ACTR3: variants seen among roughly 807,000 people sequenced by gnomAD.
ACTR3 encodes the protein actin related protein 3, also known as actin-related protein 3.
A neutral mutation model predicts 56.8 loss-of-function variants in ACTR3; 12 were observed. That is an observed-to-expected ratio of 0.21 (90% CI 0.14 to 0.34). The LOEUF (loss-of-function observed/expected upper bound fraction) is 0.34, where lower values mean the gene tolerates loss of function less well. Ranked by LOEUF, ACTR3 falls within the 10% of genes least tolerant of loss-of-function variation. The probability of loss-of-function intolerance (pLI) is 1.00; values close to 1 mark genes in which losing one functional copy is unlikely to be tolerated. For missense variants in ACTR3, 282 were observed against 512.5 expected (o/e 0.55, Z 4.34); for synonymous variants, 162 against 167.4 (o/e 0.97, Z 0.25).
chr2:113,930,763 A>G (rs1194839871), intron 4 of ACTR3, among the ~76,000 whole-genome samples: 7 of 152,242 alleles, frequency 4.6e-5, no homozygotes, highest in Admixed American at 3.9e-4. Flanking sequence ...GTGCTCTGCA[A>G]ACATCTTGAT....
At chr2:113,950,219 C>CA (rs2104627689) in intron 8 of ACTR3, among the ~76,000 whole-genome samples, 1 of 152,342 alleles carries the variant, frequency 6.6e-6, no homozygotes, top group Admixed American at 6.5e-5. Context: ...AGCACTAGAA[C>CA]ACATGTCTGA....
At chr2:113,920,344 C>G (rs1293203336) in intron 3 of ACTR3, among the ~76,000 whole-genome samples, 1 of 152,132 alleles carries the variant, frequency 6.6e-6, no homozygotes, top group Non-Finnish European at 1.5e-5. Flanking sequence ...CAGGCATGAG[C>G]CACTGTGCCA....
intron 1 of ACTR3, among the ~76,000 whole-genome samples, chr2:113,899,362 C>T (rs930913148): frequency 1.3e-5 from 2 of 149,322 alleles, no homozygotes; most frequent in Admixed American, 6.6e-5. Flanking sequence ...AATGACTGCA[C>T]AAAACACATA....
chr2:113,890,711 T>TTTGGGGACCCAGGGGCCGAGC (rs1484382286), intron 1 of ACTR3: 1 of 1,096,186 alleles, frequency 9.1e-7, no homozygotes, highest in African/African-American at 1.7e-5. Flanking sequence ...TGCCAGTCGG[T>TTTGGGGACCCAGGGGCCGAGC]TTGGGGACCC....
chr2:113,958,800 A>G lies in ACTR3; in HGVS notation c.*1345A>G, dbSNP rs1680269931. On this transcript the variant is annotated 3_prime_UTR_variant, in exon 12 of 12. Coordinates refer to ENST00000263238, the MANE Select transcript of ACTR3 (RefSeq NM_005721.5). The stretch of plus-strand genomic sequence containing the variant: ...CTTTTTACTAGCAGTATCAGTGAAC[A>G]CTTGAACTCCATTATTCATGAAAAT... 6.6e-6 allele frequency: 1 copy of G among 152,000 alleles called. No individual in the cohort carries two copies. The highest frequency in any genetic ancestry group is 1.5e-5 in the Non-Finnish European group (1 of 67,896). The allele number at this position is 152,000 out of a possible 1,614,324, so 9.4% of individuals were successfully genotyped here.
chr2:113,956,903 TTTCCAG>T (rs1680225844), intron 11 of ACTR3, among the ~76,000 whole-genome samples: 3 of 152,210 alleles, frequency 2.0e-5, no homozygotes, highest in Non-Finnish European at 4.4e-5. Flanking sequence ...CAGTCTATCT[TTTCCAG>T]ACCTTGAATG....
intron 3 of ACTR3, among the ~76,000 whole-genome samples, chr2:113,926,885 T>C (rs1679630535): frequency 6.7e-6 from 1 of 148,536 alleles, no homozygotes; most frequent in South Asian, 2.1e-4. Flanking sequence ...TTTATGTGCT[T>C]GATTCTTACA....
intron 8 of ACTR3, among the ~76,000 whole-genome samples, chr2:113,943,811 T>C (rs539945040): frequency 6.6e-6 from 1 of 152,142 alleles, no homozygotes; most frequent in Non-Finnish European, 1.5e-5. Flanking sequence ...TATGCATCTT[T>C]TAAAAGGTTC....
At chr2:113,932,431 C>A (rs980910238) in intron 5 of ACTR3, among the ~76,000 whole-genome samples, 5 of 151,928 alleles carry the variant, frequency 3.3e-5, no homozygotes, top group African/African-American at 1.2e-4. Context: ...TATGTTTAAC[C>A]ATATTGTCAG....
intron 3 of ACTR3, among the ~76,000 whole-genome samples, chr2:113,923,767 G>T (rs576687382): frequency 3.4e-5 from 5 of 148,770 alleles, no homozygotes; most frequent in Admixed American, 2.7e-4. Context: ...AAAATGGGGT[G>T]ACTCAATGTT....
intron 3 of ACTR3, among the ~76,000 whole-genome samples, chr2:113,918,732 A>G (rs1265197086): frequency 6.6e-6 from 1 of 151,742 alleles, no homozygotes; most frequent in Non-Finnish European, 1.5e-5. Context: ...AAATTGTTAT[A>G]CTCTAGTGCT....
rs1216375795 is a variant in ACTR3, at chr2:113,960,091, T to C, written c.*2636T>C. On this transcript the variant is annotated 3_prime_UTR_variant, in exon 12 of 12. Coordinates refer to ENST00000263238, the MANE Select transcript of ACTR3 (RefSeq NM_005721.5). ...TGCAAAACCTAGCCTTTTCTATTGATTCATTAGTGGTAGTAAAGGTATTAT... is the reference window on the plus strand; with the variant it reads ...TGCAAAACCTAGCCTTTTCTATTGACTCATTAGTGGTAGTAAAGGTATTAT... 1 of 152,018 alleles carries C rather than the reference T, an allele frequency of 6.6e-6. No individual in the cohort carries two copies. Among genetic ancestry groups the C allele is most frequent in the African/African-American group, 2.4e-5 (1 of 41,432 alleles). 9.4% of individuals were successfully genotyped at this position (152,018 alleles called of 1,614,324 possible).
chr2:113,913,061 A>G (rs902500859), intron 1 of ACTR3, 111 bp from the exon 2 acceptor site: 37 of 653,390 alleles, frequency 5.7e-5, no homozygotes, highest in Non-Finnish European at 8.0e-5. Flanking sequence ...GGAATTTGGT[A>G]TATTATTTAC....
chr2:113,917,230 A>G (rs1206804736), intron 3 of ACTR3, among the ~76,000 whole-genome samples: 2 of 151,604 alleles, frequency 1.3e-5, no homozygotes, highest in African/African-American at 4.9e-5. Context: ...TCAAATGAGC[A>G]GTATTTATTT....
chr2:113,936,758 A>G (rs1373777636), intron 6 of ACTR3, among the ~76,000 whole-genome samples: 5 of 152,184 alleles, frequency 3.3e-5, no homozygotes, highest in Non-Finnish European at 5.9e-5. Context: ...AGAACCAAAA[A>G]TTGTGATATA....
chr2:113,930,375 A>G (rs891347421), intron 4 of ACTR3, among the ~76,000 whole-genome samples: 4 of 152,072 alleles, frequency 2.6e-5, no homozygotes, highest in Non-Finnish European at 5.9e-5. Flanking sequence ...ATAATTTTAA[A>G]AATATTTAAT....
chr2:113,910,741 A>G (rs1172903941), intron 1 of ACTR3, among the ~76,000 whole-genome samples: 1 of 152,152 alleles, frequency 6.6e-6, no homozygotes, highest in African/African-American at 2.4e-5. Context: ...GTGGTGTGTA[A>G]GCAGAGGAAA....
intron 8 of ACTR3, among the ~76,000 whole-genome samples, chr2:113,949,128 A>G (rs1680073217): frequency 2.0e-5 from 3 of 151,722 alleles, no homozygotes; most frequent in Non-Finnish European, 4.4e-5. Context: ...CTATAATCCC[A>G]GCACTTTGGG....
At chr2:113,902,723 C>T (rs932686058) in intron 1 of ACTR3, among the ~76,000 whole-genome samples, 1 of 152,170 alleles carries the variant, frequency 6.6e-6, no homozygotes, top group African/African-American at 2.4e-5. Context: ...CCTCAGCCTC[C>T]TGAGTAGCTG....
Sources: allele counts gnomAD v4.1 joint callset (sites outside exome capture counted in the v4.1 genomes callset), GRCh38; gene constraint gnomAD v4.1.1; transcripts MANE v1.5; gene names NCBI Gene and HGNC (gene_info 2026-07-23, HGNC 2026-07-21).